The following SGCD variants were observed in gnomAD, a reference collection of about 807,000 sequenced individuals.
SGCD encodes the protein delta-sarcoglycan.
Under a neutral mutation model 36.6 loss-of-function variants are expected in SGCD, and 18 were observed. That is an observed-to-expected ratio of 0.49 (90% CI 0.34 to 0.73). SGCD has a LOEUF of 0.73. Ranked by LOEUF, SGCD falls within the 30% of genes least tolerant of loss-of-function variation. The probability of loss-of-function intolerance (pLI) is 0.01; values close to 1 mark genes in which losing one functional copy is unlikely to be tolerated. For missense variants in SGCD, 387 were observed against 346.7 expected, an observed-to-expected ratio of 1.12 and a Z score of -0.92; for synonymous variants, 133 against 130.6, an observed-to-expected ratio of 1.02 and a Z score of -0.12.
intron 3 of SGCD, among the ~76,000 whole-genome samples, chr5:156,237,878 A>G (rs1765206827): frequency 6.6e-6 from 1 of 152,166 alleles, no homozygotes; most frequent in African/African-American, 2.4e-5. Context: ...AAAACAAATG[A>G]TAACTGAATA....
chr5:156,149,582 C>T (rs768744621), intron 3 of SGCD, among the ~76,000 whole-genome samples: 1 of 152,178 alleles, frequency 6.6e-6, no homozygotes, highest in Non-Finnish European at 1.5e-5. Context: ...GAAGAACAGA[C>T]TCTTTTACAC....
chr5:156,567,767 G>A (rs1759555875), intron 4 of SGCD, among the ~76,000 whole-genome samples: 1 of 152,168 alleles, frequency 6.6e-6, no homozygotes, highest in Admixed American at 6.5e-5. Context: ...GAATGTAGTA[G>A]ACTCCTGCAT....
At chr5:156,002,476 C>A (rs10042990) in intron 1 of SGCD, among the ~76,000 whole-genome samples, 8,568 of 152,262 alleles carry the variant, frequency 0.056, 821 homozygotes, top group African/African-American at 0.19. Context: ...CATTTTGAAA[C>A]TGGGATGTGC....
At chr5:155,987,826 A>G (rs1375065414) in intron 1 of SGCD, among the ~76,000 whole-genome samples, 7 of 152,130 alleles carry the variant, frequency 4.6e-5, no homozygotes, top group Admixed American at 4.6e-4. Flanking sequence ...TCTGTGGTTC[A>G]TATTTTCCTT....
intron 4 of SGCD, among the ~76,000 whole-genome samples, chr5:156,539,191 G>A (rs1758248027): frequency 6.6e-6 from 1 of 151,544 alleles, no homozygotes; most frequent in Non-Finnish European, 1.5e-5. Flanking sequence ...GGCACACTTG[G>A]GTCTCCCTCT....
At chr5:156,036,572 T>G (rs971013005) in intron 1 of SGCD, among the ~76,000 whole-genome samples, 2 of 152,172 alleles carry the variant, frequency 1.3e-5, no homozygotes, top group Non-Finnish European at 2.9e-5. Context: ...GATGCTACCT[T>G]TGGTTTCTTT....
chr5:156,631,651 C>T (rs556657569), intron 6 of SGCD, among the ~76,000 whole-genome samples: 2 of 151,682 alleles, frequency 1.3e-5, no homozygotes, highest in South Asian at 4.2e-4. Context: ...ATACTAGATG[C>T]CCTTAAAAGT....
intron 7 of SGCD, among the ~76,000 whole-genome samples, chr5:156,752,520 G>A (rs957291729): frequency 1.4e-4 from 22 of 152,024 alleles, no homozygotes; most frequent in African/African-American, 5.1e-4. Flanking sequence ...AGCTTCCCAA[G>A]TAGCTGGGAT....
intron 3 of SGCD, among the ~76,000 whole-genome samples, chr5:156,453,214 A>T (rs1754100506): frequency 6.6e-6 from 1 of 152,202 alleles, no homozygotes; most frequent in African/African-American, 2.4e-5. Flanking sequence ...AGATAATATG[A>T]CATTTGAAGC....
chr5:155,994,779 G>C (rs1483829180), intron 1 of SGCD, among the ~76,000 whole-genome samples: 3 of 152,152 alleles, frequency 2.0e-5, no homozygotes, highest in Non-Finnish European at 4.4e-5. Context: ...TGGTCTGATA[G>C]AGTTGTCAAG....
the SGCD span, among the ~76,000 whole-genome samples, chr5:155,756,855 GT>G: frequency 6.6e-6 from 1 of 152,170 alleles, no homozygotes; most frequent in African/African-American, 2.4e-5. Context: ...GTACACACTG[GT>G]GTATGGGTGA....
the SGCD span, among the ~76,000 whole-genome samples, chr5:155,800,466 C>A: frequency 1.3e-5 from 2 of 152,228 alleles, no homozygotes; most frequent in East Asian, 3.9e-4. Flanking sequence ...GAGCTACTGA[C>A]CTTTTCTGTA....
the SGCD span, among the ~76,000 whole-genome samples, chr5:155,744,829 A>G: frequency 9.9e-5 from 15 of 152,240 alleles, no homozygotes; most frequent in African/African-American, 3.6e-4. Context: ...ACAACATTTG[A>G]TGAGATAATG....
At chr5:156,456,074 A>C (rs942852671) in intron 3 of SGCD, among the ~76,000 whole-genome samples, 4 of 152,184 alleles carry the variant, frequency 2.6e-5, no homozygotes, top group African/African-American at 9.7e-5. Context: ...CGAGCTACCC[A>C]GTTTGTATTA....
chr5:156,482,002 C>T (rs953232449), intron 3 of SGCD, among the ~76,000 whole-genome samples: 1 of 152,190 alleles, frequency 6.6e-6, no homozygotes, highest in Admixed American at 6.5e-5. Context: ...GCAGTCTGGT[C>T]CCAGTCCCCT....
intron 1 of SGCD, among the ~76,000 whole-genome samples, chr5:155,895,236 T>C (rs1756221996): frequency 6.6e-6 from 1 of 152,188 alleles, no homozygotes; most frequent in Non-Finnish European, 1.5e-5. Context: ...GATTGACACT[T>C]TGGGTTCAAT....
At chr5:156,345,369 T>C (rs1208914918) in intron 3 of SGCD, among the ~76,000 whole-genome samples, 1 of 152,182 alleles carries the variant, frequency 6.6e-6, no homozygotes, top group Non-Finnish European at 1.5e-5. Flanking sequence ...AAAAATGACT[T>C]TTGGAGTTAT....
chr5:156,076,575 G>T (rs1760790295), intron 1 of SGCD, among the ~76,000 whole-genome samples: 1 of 152,166 alleles, frequency 6.6e-6, no homozygotes, highest in Admixed American at 6.5e-5. Flanking sequence ...TCTTGAAATT[G>T]TTAGCTAGCT....
At chr5:155,772,877 G>T in the SGCD span, among the ~76,000 whole-genome samples, 1 of 151,872 alleles carries the variant, frequency 6.6e-6, no homozygotes, top group Non-Finnish European at 1.5e-5. Flanking sequence ...AGACACTTCC[G>T]GTAGGGCAAG....
Sources: gnomAD v4.1 joint callset for allele counts (sites outside exome capture counted in the v4.1 genomes callset) on GRCh38, gnomAD v4.1.1 for gene constraint, MANE v1.5 for transcripts, NCBI Gene and HGNC (gene_info 2026-07-23, HGNC 2026-07-21) for gene names.